TMEM192: variants seen among roughly 807,000 people sequenced by gnomAD.
The protein encoded by TMEM192 is transmembrane protein 192.
In TMEM192, 20 loss-of-function variants were observed where a neutral mutation model predicts 26.7. The observed-to-expected ratio is 0.75, with a 90% CI of 0.53 to 1.09. TMEM192 has a LOEUF of 1.09. Among genes scored for constraint, TMEM192 ranks in the 50% least tolerant of loss-of-function variants. TMEM192 has a pLI of 0.00. For missense variants in TMEM192, 304 were observed against 322.6 expected (o/e 0.94, Z 0.44); for synonymous variants, 124 against 121.0 (o/e 1.02, Z -0.16).
chr4:165,089,040 CAAAAAAAAA>C (rs56000323), intron 3 of TMEM192, among the ~76,000 whole-genome samples: 4 of 47,310 alleles, frequency 8.5e-5, no homozygotes, highest in African/African-American at 2.8e-4. Flanking sequence ...GACCCTACTG[CAAAAAAAAA>C]AAAAAAAAAA....
Position 165,100,737 on chromosome 4 carries a change from A to G in TMEM192, c.330T>C (p.Leu110=), listed in dbSNP as rs1265459511. The G allele has an allele frequency of 6.2e-7, 1 of 1,614,076 alleles. No homozygotes were observed. Among genetic ancestry groups the G allele is most frequent in the African/African-American group, 1.3e-5 (1 of 75,022 alleles). ...KVILWILHLL[L]ECYIQYHHSK... is the part of the protein sequence containing the mutation. Reference sequence around the variant, plus strand: ...TGTGGTGATACTGGATGTAGCATTCAAGGAGTAAATGGAGAATCCACAAAA... The same window carrying G: ...TGTGGTGATACTGGATGTAGCATTCGAGGAGTAAATGGAGAATCCACAAAA... The change falls in exon 3 of 6, where the codon CTT becomes CTC. Residue 110 remains leucine (L), a synonymous_variant. Transcript: ENST00000306480.
intron 3 of TMEM192, among the ~76,000 whole-genome samples, chr4:165,098,155 G>A (rs1393602617): frequency 2.7e-5 from 4 of 150,188 alleles, no homozygotes; most frequent in African/African-American, 4.9e-5. Flanking sequence ...ACAGAGTTTC[G>A]CTCTTGTCAC....
At position 165,076,992 on chromosome 4, in the gene TMEM192, G is replaced by C. The variant is rs1734398172; in HGVS notation, c.*2666C>G. 1 of 152,088 alleles carries C rather than the reference G, an allele frequency of 6.6e-6. No individual in the cohort carries two copies. The highest frequency in any genetic ancestry group is 1.5e-5 in the Non-Finnish European group (1 of 68,026). The allele number at this position is 152,088 out of a possible 1,614,324, so 9.4% of individuals were successfully genotyped here. On this transcript the variant is annotated 3_prime_UTR_variant, in exon 6 of 6. Transcript: ENST00000306480. ...TATTTTGTATTTTTAGTAAAGATGG[G>C]GTTTTACTATGTTGGCCAGGCTGGT...
intron 1 of TMEM192, among the ~76,000 whole-genome samples, chr4:165,107,961 G>A (rs1735206331): frequency 1.3e-5 from 2 of 152,124 alleles, no homozygotes; most frequent in East Asian, 3.9e-4. Flanking sequence ...ATGTTCACAT[G>A]CTATTTCTAG....
intron 3 of TMEM192, among the ~76,000 whole-genome samples, chr4:165,089,040 C>A (rs1734690530): frequency 8.5e-5 from 4 of 47,310 alleles, no homozygotes; most frequent in African/African-American, 1.8e-4. Context: ...GACCCTACTG[C>A]AAAAAAAAAA....
At chr4:165,109,245 T>C (rs1017566341) in intron 1 of TMEM192, among the ~76,000 whole-genome samples, 1 of 152,246 alleles carries the variant, frequency 6.6e-6, no homozygotes, top group African/African-American at 2.4e-5. Context: ...TTATGTCCTT[T>C]GTGCTTTTAA....
chr4:165,093,331 G>A (rs535050438), intron 3 of TMEM192, among the ~76,000 whole-genome samples: 1 of 151,706 alleles, frequency 6.6e-6, no homozygotes, highest in Non-Finnish European at 1.5e-5. Context: ...TCCTGACCTC[G>A]TGATTCACCC....
rs1021949606 is a variant in TMEM192 at position 165,085,699 on chromosome 4, A to G, written c.575-11T>C. 2.6e-6 allele frequency: 4 copies of G among 1,550,026 alleles called. No individual in the cohort carries two copies. Among genetic ancestry groups the G allele is most frequent in the African/African-American group, 1.4e-5 (1 of 72,938 alleles). On this transcript the variant is annotated splice_polypyrimidine_tract_variant and intron_variant, in intron 4 of 5. Transcript: ENST00000306480. ...ATCTCCGGATTTTCACTAAAATAAT[A>G]AAGTCATTATTAGATCGAATTCTGA... is the stretch of plus-strand genomic sequence containing the variant.
chr4:165,107,635 C>G (rs1161672552), intron 1 of TMEM192, among the ~76,000 whole-genome samples: 1 of 152,204 alleles, frequency 6.6e-6, no homozygotes, highest in African/African-American at 2.4e-5. Context: ...TAAGCCACCA[C>G]GCCTGGCCAA....
At chr4:165,088,628 G>A (rs1026985529) in intron 3 of TMEM192, 26 bp from the exon 4 acceptor site, 5 of 1,597,868 alleles carry the variant, frequency 3.1e-6, no homozygotes, top group Non-Finnish European at 4.3e-6. Context: ...ATAAAACACA[G>A]CATGTGATGA....
In TMEM192 at chr4:165,088,551, G is replaced by A; in HGVS notation, c.491C>T (p.Pro164Leu). ...ILCMQHSFPE[P>L]GRLYLDLILA... Reference sequence around the variant, plus strand: ...AATGAGGTCAAGATACAATCTGCCAGGCTCTGGGAAGGAGTGCTGCATGCA... The same window carrying A: ...AATGAGGTCAAGATACAATCTGCCAAGCTCTGGGAAGGAGTGCTGCATGCA... Residue 164 changes from proline to leucine, a missense_variant, in exon 4 of 6, where the codon CCT (proline) becomes CTT (leucine). Pro to Leu is a moderately conservative substitution (Grantham distance 98, BLOSUM62 -3). Transcript: ENST00000306480. 6.2e-7 allele frequency: 1 copy of A among 1,613,662 alleles called. No individual in the cohort carries two copies. Among genetic ancestry groups the A allele is most frequent in the Non-Finnish European group, 8.5e-7 (1 of 1,179,834 alleles).
chr4:165,100,215 A>C (rs571426086), intron 3 of TMEM192, among the ~76,000 whole-genome samples: 4 of 145,402 alleles, frequency 2.8e-5, no homozygotes, highest in African/African-American at 1.0e-4. Flanking sequence ...GCTGGAGTGC[A>C]GTGGCACAGT....
chr4:165,110,722 T>C (rs1452919192), intron 1 of TMEM192, among the ~76,000 whole-genome samples: 2 of 152,116 alleles, frequency 1.3e-5, no homozygotes, highest in Non-Finnish European at 2.9e-5. Flanking sequence ...AGAAGAAAGA[T>C]CATGATTTAG....
chr4:165,080,523 T>C (rs1048673347), intron 5 of TMEM192, among the ~76,000 whole-genome samples: 1 of 152,138 alleles, frequency 6.6e-6, no homozygotes, highest in Non-Finnish European at 1.5e-5. Context: ...TAAAATGTTA[T>C]TGGATGTGTT....
chr4:165,103,371 G>A (rs1266138092), intron 1 of TMEM192, among the ~76,000 whole-genome samples: 1 of 151,912 alleles, frequency 6.6e-6, no homozygotes. Context: ...TTTTGAGACA[G>A]TCTCGCTCTG....
At chr4:165,112,505 A>G (rs944369283) in intron 1 of TMEM192, among the ~76,000 whole-genome samples, 1 of 152,122 alleles carries the variant, frequency 6.6e-6, no homozygotes, top group Non-Finnish European at 1.5e-5. Flanking sequence ...CCCACCGCCC[A>G]GGAGCCCACC....
At chr4:165,099,850 G>T (rs2110781658) in intron 3 of TMEM192, among the ~76,000 whole-genome samples, 1 of 152,282 alleles carries the variant, frequency 6.6e-6, no homozygotes, top group South Asian at 2.1e-4. Flanking sequence ...TCAGGAGGCT[G>T]AGGTGGGAGG....
chr4:165,079,733 T>C lies in TMEM192; in HGVS notation c.741A>G (p.Arg247=), dbSNP rs1289759929. The change falls in exon 6 of 6, where the codon CGA becomes CGG. Residue 247 remains arginine, a synonymous_variant. Transcript: ENST00000306480. ...KQGDTIEYLK[R]HNALLSKRLL... is the part of the protein sequence containing the mutation. ...ATCGCTTACTCAGCAGCGCATTGTGTCGCTTCAGGTATTCAATGGTGTCTC... is the reference window on the plus strand; with the variant it reads ...ATCGCTTACTCAGCAGCGCATTGTGCCGCTTCAGGTATTCAATGGTGTCTC... 2 of 1,614,138 alleles carry C rather than the reference T, an allele frequency of 1.2e-6. No individual in the cohort carries two copies. The highest frequency in any genetic ancestry group is 1.7e-5 in the Admixed American group (1 of 60,000).
rs1241329587 is a variant in TMEM192, at chr4:165,103,071, A to G, written c.53T>C (p.Ile18Thr). The G allele has an allele frequency of 2.5e-6, 4 of 1,612,628 alleles. No individual in the cohort carries two copies. The highest frequency in any genetic ancestry group is 3.4e-5 in the Admixed American group (2 of 59,658). The part of the protein sequence containing the change: ...EDGSLDITQS[I>T]EDDPLLDAQL... ...GGCATCCAGAAGTGGGTCGTCTTCA[A>G]TACTCTGGGTGATATCCAAGGAACC... Residue 18 changes from isoleucine (I) to threonine (T), a missense_variant, in exon 2 of 6, where the codon ATT (isoleucine) becomes ACT (threonine). Ile to Thr is a moderately conservative substitution (Grantham distance 89, BLOSUM62 -1). Coordinates refer to ENST00000306480, the MANE Select transcript of TMEM192 (RefSeq NM_001100389.2).
Sources: gnomAD v4.1 joint callset for allele counts (sites outside exome capture counted in the v4.1 genomes callset) on GRCh38, gnomAD v4.1.1 for gene constraint, MANE v1.5 for transcripts, NCBI Gene and HGNC (gene_info 2026-07-23, HGNC 2026-07-21) for gene names.